The following SEPTIN11 variants were observed in gnomAD, a reference collection of about 807,000 sequenced individuals.
The protein encoded by SEPTIN11 is septin-11.
In SEPTIN11, 25 loss-of-function variants were observed where a neutral mutation model predicts 51.4. The ratio of observed to expected loss-of-function variants is 0.49; its 90% CI spans 0.35 to 0.68. The LOEUF (loss-of-function observed/expected upper bound fraction) is 0.68, where lower values mean the gene tolerates loss of function less well. Ranked by LOEUF, SEPTIN11 falls within the 30% of genes least tolerant of loss-of-function variation. SEPTIN11 has a pLI of 0.00. For synonymous variants in SEPTIN11, 174 were observed against 184.1 expected, an observed-to-expected ratio of 0.95 and a Z score of 0.44; for missense variants, 381 against 520.8, an observed-to-expected ratio of 0.73 and a Z score of 2.61.
At position 77,030,872 on chromosome 4, in the gene SEPTIN11, G is replaced by A; in HGVS notation, c.1176G>A (p.Val392=). Residue 392 remains valine (V), a synonymous_variant, in exon 9 of 10, where the codon GTG becomes GTA. Transcript: ENST00000264893. ...EDKKKELEEE[V]NNFQKKKAAA... ...AGAAGAAGGAGCTTGAGGAGGAGGT[G>A]AACAACTTCCAGAAGAAGAAAGCAG... 6.2e-7 allele frequency: 1 copy of A among 1,613,828 alleles called. No homozygotes were observed. Among genetic ancestry groups the A allele is most frequent in the Non-Finnish European group, 8.5e-7 (1 of 1,179,946 alleles).
At chr4:77,034,440 C>T in intron 9 of SEPTIN11, 57 bp from the exon 10 acceptor site, 1 of 1,408,694 alleles carries the variant, frequency 7.1e-7, no homozygotes, top group Admixed American at 2.8e-5. Flanking sequence ...CCTAATTTTC[C>T]TTTCTTTTTA....
chr4:77,025,121 A>G (rs1255739547), intron 7 of SEPTIN11, among the ~76,000 whole-genome samples: 2 of 152,200 alleles, frequency 1.3e-5, no homozygotes, highest in African/African-American at 2.4e-5. Flanking sequence ...AAATTATAAG[A>G]TAAAATCCTC....
At position 77,035,290 on chromosome 4, in the gene SEPTIN11, C is replaced by T. The variant is rs1398175006; in HGVS notation, c.*778C>T. The T allele has an allele frequency of 1.0e-6, 1 of 985,086 alleles. No individual in the cohort carries two copies. Among genetic ancestry groups the T allele is most frequent in the African/African-American group, 1.7e-5 (1 of 57,216 alleles). 61.0% of individuals were successfully genotyped at this position (985,086 alleles called of 1,614,324 possible). A position where few individuals can be genotyped will look rare whatever the true frequency, so the allele number is the denominator to read the frequency against. On this transcript the variant is annotated 3_prime_UTR_variant, in exon 10 of 10. Coordinates refer to ENST00000264893, the MANE Select transcript of SEPTIN11 (RefSeq NM_018243.4). ...ATGTAACATTGCTTAGTAGAAGAAT[C>T]TTCTTCTAAGGATGATGGGCTTTCT...
intron 1 of SEPTIN11, among the ~76,000 whole-genome samples, chr4:76,971,088 T>C (rs1441208441): frequency 6.6e-6 from 1 of 152,218 alleles, no homozygotes; most frequent in Non-Finnish European, 1.5e-5. Context: ...ATATCTTACA[T>C]AAACATACAT....
intron 1 of SEPTIN11, among the ~76,000 whole-genome samples, chr4:76,950,382 G>T (rs181940925): frequency 7.3e-4 from 111 of 152,328 alleles, no homozygotes; most frequent in African/African-American, 2.4e-3. Context: ...GTAGAAGCAG[G>T]TCAGAGGGGT....
At chr4:77,017,514 G>C (rs1056581985) in intron 5 of SEPTIN11, among the ~76,000 whole-genome samples, 1 of 152,138 alleles carries the variant, frequency 6.6e-6, no homozygotes, top group Non-Finnish European at 1.5e-5. Flanking sequence ...ATAGGGTTCA[G>C]GTCTGAAACT....
At chr4:76,964,640 C>T (rs72665112) in intron 1 of SEPTIN11, among the ~76,000 whole-genome samples, 21 of 152,294 alleles carry the variant, frequency 1.4e-4, no homozygotes, top group Non-Finnish European at 2.8e-4. Context: ...ATACGTGATA[C>T]TCTGTATGCT....
chr4:76,973,332 C>T (rs1299067027), intron 1 of SEPTIN11, among the ~76,000 whole-genome samples: 1 of 152,222 alleles, frequency 6.6e-6, no homozygotes, highest in African/African-American at 2.4e-5. Context: ...TCCCTTCAGT[C>T]AGTCAGGTCC....
intron 8 of SEPTIN11, 99 bp from the exon 9 acceptor site, chr4:77,030,684 C>A: frequency 8.8e-7 from 1 of 1,132,640 alleles, no homozygotes. Flanking sequence ...CGTGAGCCAC[C>A]GTGCCTGGCC....
At chr4:77,034,441 TTTCTTTTTAATTTA>T in intron 9 of SEPTIN11, 42 bp from the exon 10 acceptor site, 1 of 1,418,708 alleles carries the variant, frequency 7.0e-7, no homozygotes, top group Non-Finnish European at 9.4e-7. Context: ...CTAATTTTCC[TTTCTTTTTAATTTA>T]TTATTATTTC....
In SEPTIN11 at chr4:77,025,069, T is replaced by C. The variant is rs561901479; in HGVS notation, c.954-3560T>C. Reference sequence around the variant, plus strand: ...TGTGTTCGTTCTCTCTTCCTTTGACTTCAACAAGCAAAACCTGCCTCTCCC... The same window carrying C: ...TGTGTTCGTTCTCTCTTCCTTTGACCTCAACAAGCAAAACCTGCCTCTCCC... On this transcript the variant is annotated intron_variant, in intron 7 of 9. Coordinates refer to ENST00000264893, the MANE Select transcript of SEPTIN11 (RefSeq NM_018243.4). Among the ~76,000 whole-genome samples the C allele has an allele frequency of 2.6e-5, 4 of 152,154 alleles. No individual in the cohort carries two copies. The East Asian group carries it at 7.8e-4, about 30-fold the overall frequency.
chr4:76,997,021 A>G (rs12647203), intron 2 of SEPTIN11, among the ~76,000 whole-genome samples: 83,757 of 151,666 alleles, frequency 0.55, 23,835 homozygotes, highest in Middle Eastern at 0.64. Flanking sequence ...CTGGGATTAC[A>G]GTAGCCACCA....
intron 1 of SEPTIN11, among the ~76,000 whole-genome samples, chr4:76,973,674 C>T (rs1273048575): frequency 6.6e-6 from 1 of 152,206 alleles, no homozygotes; most frequent in African/African-American, 2.4e-5. Flanking sequence ...AAGCGATTCA[C>T]TGGTATAATT....
intron 1 of SEPTIN11, chr4:76,974,870 C>T: frequency 6.6e-6 from 3 of 456,494 alleles, no homozygotes; most frequent in South Asian, 4.6e-5. Context: ...TGCCTGTAAT[C>T]CCAACACTTT....
At position 76,949,776 on chromosome 4, in the gene SEPTIN11, G is replaced by C. The variant is rs918345891; in HGVS notation, c.-128G>C. ...GGAGCAGATGCCGCTGGCTGCCAGC[G>C]GGACGCCGGCGAGCAGAGCGCAGCC... On this transcript the variant is annotated 5_prime_UTR_variant, in exon 1 of 10. Coordinates refer to ENST00000264893, the MANE Select transcript of SEPTIN11 (RefSeq NM_018243.4). 7.9e-6 allele frequency: 8 copies of C among 1,011,546 alleles called. No homozygotes were observed. The South Asian group carries it at 8.1e-5, about 10-fold the overall frequency. The allele number at this position is 1,011,546 out of a possible 1,614,324, so 62.7% of individuals were successfully genotyped here.
intron 3 of SEPTIN11, among the ~76,000 whole-genome samples, chr4:77,008,525 T>C (rs1237007911): frequency 1.3e-5 from 2 of 152,134 alleles, no homozygotes; most frequent in African/African-American, 4.8e-5. Context: ...GGGAAAAACA[T>C]GGTAAGTATT....
chr4:76,954,519 TC>T (rs1284473661), intron 1 of SEPTIN11, among the ~76,000 whole-genome samples: 2 of 152,172 alleles, frequency 1.3e-5, no homozygotes, highest in Non-Finnish European at 2.9e-5. Context: ...TAACAATACT[TC>T]CCCTGACCCA....
chr4:76,949,982 T>G, intron 1 of SEPTIN11, 52 bp downstream of exon 1: 1 of 1,399,866 alleles, frequency 7.1e-7, no homozygotes, highest in South Asian at 1.6e-5. Context: ...TGGTCTCTGC[T>G]CTGGGGCGGG....
intron 5 of SEPTIN11, among the ~76,000 whole-genome samples, chr4:77,015,620 C>G (rs1345846792): frequency 6.6e-6 from 1 of 152,178 alleles, no homozygotes; most frequent in Admixed American, 6.5e-5. Flanking sequence ...TGTCTCACAG[C>G]CCATAGCTCA....
Sources: gnomAD v4.1 joint callset for allele counts (sites outside exome capture counted in the v4.1 genomes callset) on GRCh38, gnomAD v4.1.1 for gene constraint, MANE v1.5 for transcripts, NCBI Gene and HGNC (gene_info 2026-07-23, HGNC 2026-07-21) for gene names.